The following PRKAR1B variants were observed in gnomAD, a reference collection of about 807,000 sequenced individuals.
The protein encoded by PRKAR1B is cAMP-dependent protein kinase type I-beta regulatory subunit.
A neutral mutation model predicts 46.5 loss-of-function variants in PRKAR1B; 22 were observed. That is an observed-to-expected ratio of 0.47 (90% CI 0.34 to 0.68). The LOEUF (loss-of-function observed/expected upper bound fraction) is 0.68, where lower values mean the gene tolerates loss of function less well. Among genes scored for constraint, PRKAR1B ranks in the 30% least tolerant of loss-of-function variants. The pLI is 0.01. For synonymous variants in PRKAR1B, 259 were observed against 217.7 expected, an observed-to-expected ratio of 1.19 and a Z score of -1.67; for missense variants, 445 against 535.6, an observed-to-expected ratio of 0.83 and a Z score of 1.67.
In PRKAR1B at chr7:570,879, G is replaced by A. The variant is rs531641712; in HGVS notation, c.891+8377C>T. Among the ~76,000 whole-genome samples the A allele has an allele frequency of 9.3e-5, 14 of 151,332 alleles. No individual in the cohort carries two copies. The East Asian group carries it at 2.0e-3, about 21-fold the overall frequency. ...CCACCACCCTCCCTGCAGCCCAAGC[G>A]ACACCACTCCCAGCACTCTCTGTGT... On this transcript the variant is annotated intron_variant, in intron 9 of 10. Coordinates refer to ENST00000537384, the MANE Select transcript of PRKAR1B (RefSeq NM_001164760.2).
At chr7:553,872 G>A (rs947527863) in intron 9 of PRKAR1B, among the ~76,000 whole-genome samples, 1 of 152,260 alleles carries the variant, frequency 6.6e-6, no homozygotes, top group African/African-American at 2.4e-5. Context: ...CGGCTCCCAG[G>A]CCTCTGCCGT....
In PRKAR1B at chr7:637,348, T is replaced by A. The variant is rs186798090; in HGVS notation, c.441-29896A>T. On this transcript the variant is annotated intron_variant, in intron 4 of 10. Coordinates refer to ENST00000537384, the MANE Select transcript of PRKAR1B (RefSeq NM_001164760.2). ...GGGAGAATCGCTTGAACCAGGGAGGTGGAGATTGCAATGAGCCGAGATTGC... is the reference window on the plus strand; with the variant it reads ...GGGAGAATCGCTTGAACCAGGGAGGAGGAGATTGCAATGAGCCGAGATTGC... Among the ~76,000 whole-genome samples, 633 of 150,752 alleles carry A rather than the reference T, an allele frequency of 4.2e-3. 2 individuals are homozygous for A. Among genetic ancestry groups the A allele is most frequent in the South Asian group, 0.02 (95 of 4,770 alleles).
intron 4 of PRKAR1B, among the ~76,000 whole-genome samples, chr7:672,596 G>A (rs978884906): frequency 3.3e-5 from 5 of 151,856 alleles, no homozygotes; most frequent in Admixed American, 6.6e-5. Context: ...AGCCAGGCGC[G>A]ATGGCTCATG....
At chr7:580,155 C>G (rs113933416) in intron 8 of PRKAR1B, among the ~76,000 whole-genome samples, 175 of 149,454 alleles carry the variant, frequency 1.2e-3, no homozygotes, top group African/African-American at 4.2e-3. Flanking sequence ...CACTTGAGCG[C>G]GGGAGGTCGC....
intron 4 of PRKAR1B, among the ~76,000 whole-genome samples, chr7:635,268 G>T (rs1283131147): frequency 6.6e-6 from 1 of 152,206 alleles, no homozygotes; most frequent in African/African-American, 2.4e-5. Flanking sequence ...GGGCCCCAAG[G>T]CCCAGCCCTC....
intron 9 of PRKAR1B, among the ~76,000 whole-genome samples, chr7:566,614 C>T (rs1472915376): frequency 6.6e-6 from 1 of 152,298 alleles, no homozygotes; most frequent in African/African-American, 2.4e-5. Context: ...ATCACATCAC[C>T]TTCATCACTA....
At chr7:618,186 ACT>A (rs1782935392) in intron 4 of PRKAR1B, among the ~76,000 whole-genome samples, 1 of 152,082 alleles carries the variant, frequency 6.6e-6, no homozygotes, top group Non-Finnish European at 1.5e-5. Flanking sequence ...CAGCCACAGC[ACT>A]CAGACTGGGT....
At chr7:620,018 T>A (rs1212178429) in intron 4 of PRKAR1B, among the ~76,000 whole-genome samples, 3 of 19,624 alleles carry the variant, frequency 1.5e-4, no homozygotes, top group African/African-American at 2.0e-4. Context: ...ACCCAGCTAC[T>A]TTTTTTTTTT....
intron 4 of PRKAR1B, among the ~76,000 whole-genome samples, chr7:656,432 G>C (rs1030848174): frequency 6.6e-6 from 1 of 152,172 alleles, no homozygotes; most frequent in African/African-American, 2.4e-5. Flanking sequence ...TAAATGAATG[G>C]ATAAGTGGGT....
At chr7:641,251 C>A (rs1037836944) in intron 4 of PRKAR1B, among the ~76,000 whole-genome samples, 2 of 152,122 alleles carry the variant, frequency 1.3e-5, no homozygotes, top group Non-Finnish European at 2.9e-5. Context: ...CGCGCCCGGC[C>A]GGAAAAGAGA....
intron 9 of PRKAR1B, among the ~76,000 whole-genome samples, chr7:561,743 A>G (rs1406121682): frequency 6.6e-6 from 1 of 152,242 alleles, no homozygotes; most frequent in African/African-American, 2.4e-5. Flanking sequence ...CCAGCGTTTA[A>G]TGGATCATCC....
chr7:572,835 C>T (rs1170081213), intron 9 of PRKAR1B, among the ~76,000 whole-genome samples: 2 of 152,204 alleles, frequency 1.3e-5, no homozygotes, highest in Non-Finnish European at 1.5e-5. Flanking sequence ...CCACCAAGGC[C>T]GTGATTTACA....
At chr7:588,209 C>G (rs1384967115) in intron 7 of PRKAR1B, among the ~76,000 whole-genome samples, 1 of 152,042 alleles carries the variant, frequency 6.6e-6, no homozygotes, top group African/African-American at 2.4e-5. Context: ...GACAAGGACC[C>G]TAAGGACACC....
intron 2 of PRKAR1B, among the ~76,000 whole-genome samples, chr7:686,024 G>C (rs1779077338): frequency 6.6e-6 from 1 of 152,222 alleles, no homozygotes; most frequent in African/African-American, 2.4e-5. Flanking sequence ...GAATCGGCCA[G>C]GTGTGGTGGC....
chr7:615,845 A>G (rs1782784886), intron 4 of PRKAR1B, among the ~76,000 whole-genome samples: 1 of 149,888 alleles, frequency 6.7e-6, no homozygotes, highest in African/African-American at 2.5e-5. Flanking sequence ...AAAAAAAAGA[A>G]AGCAAGAAAG....
At chr7:645,359 C>T (rs1784571274) in intron 4 of PRKAR1B, among the ~76,000 whole-genome samples, 1 of 152,184 alleles carries the variant, frequency 6.6e-6, no homozygotes, top group Non-Finnish European at 1.5e-5. Context: ...AGATCAATCT[C>T]ACTCAGTCTA....
At chr7:715,813 T>A (rs891700535) in intron 1 of PRKAR1B, among the ~76,000 whole-genome samples, 2 of 151,978 alleles carry the variant, frequency 1.3e-5, no homozygotes, top group Admixed American at 6.6e-5. Flanking sequence ...CCTCCCGGGT[T>A]CACGCCATTC....
At position 726,058 on chromosome 7, in the gene PRKAR1B, C is replaced by T. The variant is rs1372511898; in HGVS notation, c.-23+1152G>A. 2.0e-5 allele frequency among the ~76,000 whole-genome samples: 3 copies of T among 151,034 alleles called. No homozygotes were observed. The East Asian group carries it at 5.9e-4, about 29-fold the overall frequency. ...GTTTGAGCAATAAAGCTCCAGTGTC[C>T]TTTAGCCAGTTTCTGCATGCAGCCA... On this transcript the variant is annotated intron_variant, in intron 1 of 10. Coordinates refer to ENST00000537384, the MANE Select transcript of PRKAR1B (RefSeq NM_001164760.2).
chr7:693,829 T>C (rs370959802), intron 2 of PRKAR1B, among the ~76,000 whole-genome samples: 1 of 152,198 alleles, frequency 6.6e-6, no homozygotes. Context: ...CCAAGCTTCC[T>C]TCCACTGTGG....
Sources: allele counts gnomAD v4.1 joint callset (sites outside exome capture counted in the v4.1 genomes callset), GRCh38; gene constraint gnomAD v4.1.1; transcripts MANE v1.5; gene names NCBI Gene and HGNC (gene_info 2026-07-23, HGNC 2026-07-21).